The following ZFPM2 variants were observed in gnomAD, a reference collection of about 807,000 sequenced individuals.
ZFPM2 encodes the protein zinc finger protein, FOG family member 2, also known as zinc finger protein ZFPM2.
Under a neutral mutation model 98.6 loss-of-function variants are expected in ZFPM2, and 20 were observed. That is an observed-to-expected ratio of 0.20 (90% CI 0.14 to 0.29). ZFPM2 has a LOEUF of 0.29. ZFPM2 is among the 10% of genes least tolerant of loss of function. ZFPM2 has a pLI of 1.00. For missense variants in ZFPM2, 1,310 were observed against 1,388.6 expected (o/e 0.94, Z 0.90); for synonymous variants, 518 against 502.7 (o/e 1.03, Z -0.41).
intron 5 of ZFPM2, among the ~76,000 whole-genome samples, chr8:105,744,735 G>GA (rs1202234483): frequency 0.01 from 1 of 100 alleles, no homozygotes; most frequent in Non-Finnish European, 0.02. Context: ...TTTCTAGCCG[G>GA]AAAAACAGCA....
intron 1 of ZFPM2, among the ~76,000 whole-genome samples, chr8:105,414,301 C>CA (rs1409908694): frequency 1.3e-5 from 2 of 151,952 alleles, no homozygotes; most frequent in African/African-American, 4.8e-5. Flanking sequence ...CCTATTAATA[C>CA]ATGATAATGT....
At chr8:105,740,915 T>G (rs1812200914) in intron 5 of ZFPM2, among the ~76,000 whole-genome samples, 1 of 152,042 alleles carries the variant, frequency 6.6e-6, no homozygotes, top group African/African-American at 2.4e-5. Flanking sequence ...GGGAAGACCT[T>G]ACTTGAGAAA....
At chr8:105,630,965 G>A (rs1816745248) in intron 4 of ZFPM2, among the ~76,000 whole-genome samples, 2 of 152,112 alleles carry the variant, frequency 1.3e-5, no homozygotes, top group South Asian at 4.1e-4. Flanking sequence ...GAAAAACCAG[G>A]ATGGTTGTTC....
rs1420164791 is a variant in ZFPM2, at chr8:105,318,980, A to T, written c.39A>T (p.Lys13Asn). 1.3e-6 allele frequency: 2 copies of T among 1,488,684 alleles called. No individual in the cohort carries two copies. The highest frequency in any genetic ancestry group is 9.0e-7 in the Non-Finnish European group (1 of 1,111,298). 92.2% of individuals were successfully genotyped at this position (1,488,684 alleles called of 1,614,324 possible). Residue 13 changes from lysine (K) to asparagine (N), a missense_variant and splice_region_variant, in exon 1 of 8, where the codon AAA (lysine) becomes AAT (asparagine). Transcript: ENST00000407775. ...AGCAAAGCAAACCCCGGCAGATCAAACGTAAGTTTGCGCGCGGGGCCGGGA... is the reference window on the plus strand; with the variant it reads ...AGCAAAGCAAACCCCGGCAGATCAATCGTAAGTTTGCGCGCGGGGCCGGGA... The part of the protein sequence containing the change: ...RRKQSKPRQI[K>N]RPLEDAIEDE...
chr8:105,590,290 G>A (rs190384789), intron 4 of ZFPM2, among the ~76,000 whole-genome samples: 81 of 152,298 alleles, frequency 5.3e-4, no homozygotes, highest in Admixed American at 2.2e-3. Flanking sequence ...GCCCTCTAAT[G>A]TGTTACAACC....
intron 1 of ZFPM2, among the ~76,000 whole-genome samples, chr8:105,400,967 TAA>T (rs760496642): frequency 1.3e-5 from 2 of 151,864 alleles, no homozygotes; most frequent in Non-Finnish European, 2.9e-5. Flanking sequence ...CTTTTTTTTT[TAA>T]GTTTCTAAAA....
intron 3 of ZFPM2, among the ~76,000 whole-genome samples, chr8:105,466,473 A>G (rs1002264799): frequency 6.6e-6 from 1 of 152,156 alleles, no homozygotes; most frequent in East Asian, 1.9e-4. Flanking sequence ...TGATATTCTA[A>G]AGCTGGTCTT....
chr8:105,538,168 T>C (rs1413270559), intron 3 of ZFPM2, among the ~76,000 whole-genome samples: 2 of 152,078 alleles, frequency 1.3e-5, no homozygotes, highest in East Asian at 3.9e-4. Flanking sequence ...TCTGCACATA[T>C]TGATTGTAAG....
chr8:105,709,815 GA>G (rs1249378150), intron 5 of ZFPM2, among the ~76,000 whole-genome samples: 1 of 152,122 alleles, frequency 6.6e-6, no homozygotes, highest in African/African-American at 2.4e-5. Flanking sequence ...CTTTCAGGGT[GA>G]AATGTGAAAC....
At chr8:105,684,583 T>C (rs976495654) in intron 5 of ZFPM2, among the ~76,000 whole-genome samples, 2 of 152,080 alleles carry the variant, frequency 1.3e-5, no homozygotes, top group African/African-American at 4.8e-5. Context: ...TTAGCATGGG[T>C]TAAAACCAAA....
At chr8:105,555,193 T>G in intron 3 of ZFPM2, among the ~76,000 whole-genome samples, 1 of 152,114 alleles carries the variant, frequency 6.6e-6, no homozygotes, top group Non-Finnish European at 1.5e-5. Context: ...CAATATTATC[T>G]TTTACCAAAA....
intron 4 of ZFPM2, among the ~76,000 whole-genome samples, chr8:105,629,722 C>T (rs1191275534): frequency 6.6e-6 from 1 of 152,168 alleles, no homozygotes; most frequent in Non-Finnish European, 1.5e-5. Context: ...GCTGAAGTTC[C>T]TGTTTCTTGC....
chr8:105,472,396 A>C (rs537401604), intron 3 of ZFPM2, among the ~76,000 whole-genome samples: 3 of 152,242 alleles, frequency 2.0e-5, no homozygotes, highest in African/African-American at 7.2e-5. Flanking sequence ...TTATTGAATC[A>C]TTAGTTCTGA....
At chr8:105,712,205 G>T (rs950885437) in intron 5 of ZFPM2, among the ~76,000 whole-genome samples, 1 of 150,762 alleles carries the variant, frequency 6.6e-6, no homozygotes, top group Admixed American at 6.7e-5. Context: ...GGAGAAGAAA[G>T]AACATTATGC....
intron 1 of ZFPM2, among the ~76,000 whole-genome samples, chr8:105,408,595 A>G (rs1382873509): frequency 6.6e-6 from 1 of 151,920 alleles, no homozygotes; most frequent in African/African-American, 2.4e-5. Context: ...AAAATTACAC[A>G]TACACCTGTG....
chr8:105,388,205 GCA>G (rs978241349), intron 1 of ZFPM2, among the ~76,000 whole-genome samples: 1 of 152,058 alleles, frequency 6.6e-6, no homozygotes, highest in Non-Finnish European at 1.5e-5. Context: ...ATATGAATGT[GCA>G]CACACACACA....
intron 3 of ZFPM2, among the ~76,000 whole-genome samples, chr8:105,556,692 C>G (rs1468170997): frequency 1.5e-5 from 2 of 135,722 alleles, no homozygotes; most frequent in Non-Finnish European, 3.1e-5. Context: ...CCTTTTCCCC[C>G]TTCCCCCTTC....
intron 5 of ZFPM2, among the ~76,000 whole-genome samples, chr8:105,690,597 A>C (rs911123719): frequency 1.3e-5 from 2 of 152,160 alleles, no homozygotes; most frequent in East Asian, 3.9e-4. Flanking sequence ...CAGCTCAGGT[A>C]CAACGAAATG....
At chr8:105,524,663 G>T (rs1814134291) in intron 3 of ZFPM2, among the ~76,000 whole-genome samples, 2 of 152,160 alleles carry the variant, frequency 1.3e-5, no homozygotes, top group African/African-American at 4.8e-5. Flanking sequence ...ATCAGTTTTA[G>T]ATGGTATCTG....
Sources: allele counts gnomAD v4.1 joint callset (sites outside exome capture counted in the v4.1 genomes callset), GRCh38; gene constraint gnomAD v4.1.1; transcripts MANE v1.5; gene names NCBI Gene and HGNC (gene_info 2026-07-23, HGNC 2026-07-21).